PHF12: variants seen among roughly 807,000 people sequenced by gnomAD.
PHF12 encodes the protein PHD finger protein 12.
A neutral mutation model predicts 99.8 loss-of-function variants in PHF12; 6 were observed. That is an observed-to-expected ratio of 0.06 (90% confidence interval 0.03 to 0.12). The LOEUF is 0.12. Among genes scored for constraint, PHF12 ranks in the 10% least tolerant of loss-of-function variants. The pLI is 1.00. For missense variants in PHF12, 954 were observed against 1,300.1 expected (o/e 0.73, Z 4.09); for synonymous variants, 480 against 514.9 (o/e 0.93, Z 0.92).
Position 28,914,016 on chromosome 17 carries a change from G to C in PHF12, c.1156C>G (p.Gln386Glu), listed in dbSNP as rs1384847847. Residue 386 changes from glutamine to glutamate, a missense_variant, in exon 8 of 15, where the codon CAG becomes GAG. Physicochemically the swap from Gln to Glu is conservative, Grantham distance 29 (BLOSUM62 2). This residue lies in a region of PHF12 where 392 missense variants were observed against 423.1 expected (regional missense o/e 0.93). Coordinates refer to ENST00000332830, the MANE Select transcript of PHF12 (RefSeq NM_001033561.2). ...SLKVPDAIKS[Q>E]YQFPPPLIAP... Reference sequence around the variant, plus strand: ...ATGAGAGGGGGTGGAAACTGGTACTGAGATTTTATAGCATCAGGAACCTGT... The same window carrying C: ...ATGAGAGGGGGTGGAAACTGGTACTCAGATTTTATAGCATCAGGAACCTGT... The C allele has an allele frequency of 6.2e-7, 1 of 1,611,632 alleles. No individual in the cohort carries two copies. Among genetic ancestry groups the C allele is most frequent in the African/African-American group, 1.3e-5 (1 of 75,024 alleles).
At chr17:28,918,434 C>A (rs1212298823) in intron 6 of PHF12, among the ~76,000 whole-genome samples, 1 of 152,224 alleles carries the variant, frequency 6.6e-6, no homozygotes, top group Non-Finnish European at 1.5e-5. Flanking sequence ...TCCATGTGTG[C>A]AAGTCTTTAA....
chr17:28,944,764 T>C (rs895760539), intron 2 of PHF12: 2 of 152,690 alleles, frequency 1.3e-5, no homozygotes, highest in Non-Finnish European at 2.9e-5. Flanking sequence ...GTTTGTTTAC[T>C]GTAGAATCAT....
chr17:28,909,765 A>G, intron 11 of PHF12: 1 of 354,304 alleles, frequency 2.8e-6, no homozygotes. Flanking sequence ...TAAGTTTAAA[A>G]TTATTTGTAG....
intron 2 of PHF12, among the ~76,000 whole-genome samples, chr17:28,948,795 G>A (rs1231820307): frequency 6.6e-6 from 1 of 152,124 alleles, no homozygotes; most frequent in Non-Finnish European, 1.5e-5. Context: ...TCAAACAACT[G>A]GTGGGAACAC....
chr17:28,908,325 A>G (rs1013079192), intron 12 of PHF12: 1 of 168,144 alleles, frequency 5.9e-6, no homozygotes, highest in Non-Finnish European at 1.3e-5. Flanking sequence ...CAAGGAACTG[A>G]TTGTCTCTTT....
chr17:28,919,963 A>G (rs1214706424), intron 5 of PHF12, among the ~76,000 whole-genome samples: 1 of 152,196 alleles, frequency 6.6e-6, no homozygotes, highest in African/African-American at 2.4e-5. Context: ...ACTTCTTAAA[A>G]GAGAGAGCCT....
Position 28,919,251 on chromosome 17 carries a change from G to C in PHF12, c.861C>G (p.Ile287Met), listed in dbSNP as rs562620556. The C allele has an allele frequency of 6.2e-6, 10 of 1,614,114 alleles. No homozygotes were observed. The African/African-American group carries it at 1.1e-4, about 17-fold the overall frequency. ...ACAGGAGAGGGCAATAGTCACACTGGATGAGAGGAGCCACACGGCAACTCC... is the reference window on the plus strand; with the variant it reads ...ACAGGAGAGGGCAATAGTCACACTGCATGAGAGGAGCCACACGGCAACTCC... ...CNRSCRVAPL[I>M]QCDYCPLLFH... The change falls in exon 6 of 15, where the codon ATC (isoleucine) becomes ATG (methionine). Residue 287 changes from isoleucine (I) to methionine (M), a missense_variant. By Grantham distance (10) the Ile-to-Met change is conservative. Coordinates refer to ENST00000332830, the MANE Select transcript of PHF12 (RefSeq NM_001033561.2).
intron 9 of PHF12, 78 bp from the exon 10 acceptor site, chr17:28,911,315 G>A (rs2039956492): frequency 6.3e-7 from 1 of 1,578,938 alleles, no homozygotes; most frequent in Non-Finnish European, 8.6e-7. Flanking sequence ...GCTGAGACAG[G>A]TCTGGATTTC....
At chr17:28,946,824 C>G (rs889742919) in intron 2 of PHF12, among the ~76,000 whole-genome samples, 8 of 152,166 alleles carry the variant, frequency 5.3e-5, no homozygotes, top group African/African-American at 1.9e-4. Context: ...AGGCATGAGC[C>G]ACCATACTCG....
chr17:28,926,273 G>C (rs1284136006), intron 3 of PHF12: 1 of 157,100 alleles, frequency 6.4e-6, no homozygotes, highest in African/African-American at 2.4e-5. Flanking sequence ...CAGGCAAATA[G>C]AGGTGAGGTC....
At position 28,922,382 on chromosome 17, in the gene PHF12, C is replaced by G. The variant is rs529465578; in HGVS notation, c.716-574G>C. Among the ~76,000 whole-genome samples the G allele has an allele frequency of 1.5e-4, 23 of 152,236 alleles. No individual in the cohort carries two copies. In the South Asian group the frequency reaches 4.1e-3, roughly 27 times the overall value. ...GTACTAGGATTACAGGTGTGAGCCACCACACCTGGCCCACATTTTCATAAA... is the reference window on the plus strand; with the variant it reads ...GTACTAGGATTACAGGTGTGAGCCAGCACACCTGGCCCACATTTTCATAAA... On this transcript the variant is annotated intron_variant, in intron 4 of 14. Transcript: ENST00000332830.
At chr17:28,931,330 A>G (rs1235708061) in intron 2 of PHF12, among the ~76,000 whole-genome samples, 1 of 147,424 alleles carries the variant, frequency 6.8e-6, no homozygotes, top group Non-Finnish European at 1.5e-5. Flanking sequence ...ATCTTGGCTC[A>G]CTGCAACCTC....
chr17:28,934,643 C>T (rs1359558319), intron 2 of PHF12, among the ~76,000 whole-genome samples: 16 of 136,352 alleles, frequency 1.2e-4, no homozygotes, highest in Non-Finnish European at 1.8e-4. Flanking sequence ...TGGAGTCTTG[C>T]TCTGTTGCCC....
At chr17:28,945,059 G>GA (rs2040697392) in intron 2 of PHF12, 1 of 152,180 alleles carries the variant, frequency 6.6e-6, no homozygotes, top group South Asian at 2.1e-4. Context: ...AGGACTGCTT[G>GA]ACGTGCCTGG....
chr17:28,936,346 G>C (rs1338761648), intron 2 of PHF12, among the ~76,000 whole-genome samples: 2 of 152,168 alleles, frequency 1.3e-5, no homozygotes, highest in African/African-American at 4.8e-5. Context: ...AGAGAACAAA[G>C]GGAAGAGGCG....
chr17:28,912,824 G>A lies in PHF12; in HGVS notation c.1747C>T (p.Arg583Trp), dbSNP rs1461782437. 13 of 1,607,698 alleles carry A rather than the reference G, an allele frequency of 8.1e-6. No individual in the cohort carries two copies. Among genetic ancestry groups the A allele is most frequent in the South Asian group, 6.6e-5 (6 of 90,598 alleles). ...CCAGCCGCTGGTGGCGTGAGGGGCC[G>A]GGGCCAGCCTTGCCGGTGTGAGAGG... ...PGLSHRQGWP[R>W]PLTPPAAGGL... The change falls in exon 9 of 15, where the codon CGG (arginine) becomes TGG (tryptophan). Residue 583 changes from arginine (R) to tryptophan (W), a missense_variant. Physicochemically the swap from Arg to Trp is moderately radical, Grantham distance 101. Coordinates refer to ENST00000332830, the MANE Select transcript of PHF12 (RefSeq NM_001033561.2).
chr17:28,906,311 T>C lies in PHF12; in HGVS notation c.2887A>G (p.Ser963Gly). ...TGTTTGGTCGCAAACTCAGTGATGC[T>C]GAAGACAAACTGCAGGCAGCCCAGC... is the stretch of plus-strand genomic sequence containing the variant. Reference protein sequence around the residue: ...IKLGCLQFVFSITEFATKQPK... With the variant: ...IKLGCLQFVFGITEFATKQPK... The change falls in exon 15 of 15, where the codon AGC becomes GGC. Residue 963 changes from serine (S) to glycine (G), a missense_variant. By Grantham distance (56) the Ser-to-Gly change is moderately conservative. Coordinates refer to ENST00000332830, the MANE Select transcript of PHF12 (RefSeq NM_001033561.2). This position sits in a 1 kb window ranked among gnomAD's most constrained non-coding sequence, Gnocchi z 4.2. The C allele has an allele frequency of 6.2e-7, 1 of 1,614,224 alleles. No individual in the cohort carries two copies.
rs912136110 is a variant in PHF12, at chr17:28,910,425, A to G, written c.2216-56T>C. 4 of 1,555,296 alleles carry G rather than the reference A, an allele frequency of 2.6e-6. No homozygotes were observed. In the African/African-American group the frequency reaches 5.5e-5, roughly 21 times the overall value. On this transcript the variant is annotated intron_variant, in intron 10 of 14. Transcript: ENST00000332830. ...GCTGAGATGGGAAGTGGAATGTGGA[A>G]GCAAATCAGGGTCACAGAGCAAATA...
chr17:28,911,207 A>G lies in PHF12; in HGVS notation c.2120T>C (p.Ile707Thr), dbSNP rs373287776. ...DGKVSPGTLS[I>T]GSALTVPSFP... Reference sequence around the variant, plus strand: ...AGAGGGTACGGTTAAAGCGCTTCCTATGGATAACGTGCCGGGGCTGACCTT... The same window carrying G: ...AGAGGGTACGGTTAAAGCGCTTCCTGTGGATAACGTGCCGGGGCTGACCTT... Residue 707 changes from isoleucine to threonine, a missense_variant, in exon 10 of 15, where the codon ATA becomes ACA. By Grantham distance (89) the Ile-to-Thr change is moderately conservative. Transcript: ENST00000332830. 6 of 1,614,048 alleles carry G rather than the reference A, an allele frequency of 3.7e-6. No homozygotes were observed. The highest frequency in any genetic ancestry group is 2.2e-5 in the South Asian group (2 of 91,074).
Sources: gnomAD v4.1 joint callset for allele counts (sites outside exome capture counted in the v4.1 genomes callset) on GRCh38, gnomAD v4.1.1 for gene constraint, gnomAD v4.1.1 regional missense constraint, Gnocchi (gnomAD v3.1) non-coding constraint, MANE v1.5 for transcripts, NCBI Gene and HGNC (gene_info 2026-07-23, HGNC 2026-07-21) for gene names.